The following TSHZ3 variants were observed in gnomAD, a reference collection of about 807,000 sequenced individuals.
TSHZ3 encodes teashirt zinc finger homeobox 3.
In TSHZ3, 10 loss-of-function variants were observed where a neutral mutation model predicts 64.5. That is an observed-to-expected ratio of 0.16 (90% CI 0.10 to 0.26). The LOEUF (loss-of-function observed/expected upper bound fraction) is 0.26. Ranked by LOEUF, TSHZ3 falls within the 10% of genes least tolerant of loss-of-function variation. TSHZ3 has a pLI of 1.00. For synonymous variants in TSHZ3, 608 were observed against 593.1 expected, an observed-to-expected ratio of 1.03 and a Z score of -0.36; for missense variants, 1,242 against 1,421.7, an observed-to-expected ratio of 0.87 and a Z score of 2.03.
At chr19:31,164,968 C>G (rs1285133314) in intron 5 of TSHZ3, among the ~76,000 whole-genome samples, 2 of 152,238 alleles carry the variant, frequency 1.3e-5, no homozygotes, top group African/African-American at 4.8e-5. Flanking sequence ...GAGCGGCAGC[C>G]TCGGGCCTCA....
intron 3 of TSHZ3, among the ~76,000 whole-genome samples, chr19:31,241,315 T>C (rs1432707278): frequency 1.3e-5 from 2 of 152,232 alleles, no homozygotes; most frequent in Non-Finnish European, 2.9e-5. Context: ...ATTTGGACTC[T>C]GTTGGGACAA....
At chr19:31,270,168 G>A (rs1202742344), downstream of TSHZ3, among the ~76,000 whole-genome samples, 2 of 152,182 alleles carry the variant, frequency 1.3e-5, no homozygotes, top group African/African-American at 4.8e-5. Flanking sequence ...TGTGTCCTTG[G>A]CTTTGATCAG....
intron 5 of TSHZ3, among the ~76,000 whole-genome samples, chr19:31,169,402 A>C (rs979528342): frequency 5.3e-5 from 8 of 152,256 alleles, no homozygotes; most frequent in Non-Finnish European, 1.0e-4. Context: ...ATGAATAAAT[A>C]GGCAAAATGC....
chr19:31,169,265 C>A (rs1482058110), intron 5 of TSHZ3, among the ~76,000 whole-genome samples: 1 of 152,186 alleles, frequency 6.6e-6, no homozygotes, highest in Non-Finnish European at 1.5e-5. Context: ...CCATATGACC[C>A]AGCAACTCCG....
At chr19:31,296,977 C>A (rs1722927574) in intron 1 of TSHZ3, among the ~76,000 whole-genome samples, 1 of 152,216 alleles carries the variant, frequency 6.6e-6, no homozygotes, top group African/African-American at 2.4e-5. Flanking sequence ...AAAACAGAGA[C>A]ATAGGCAAAC....
intron 1 of TSHZ3, 47 bp downstream of exon 1, chr19:31,349,133 G>C (rs1225613361): frequency 3.3e-6 from 5 of 1,532,006 alleles, no homozygotes; most frequent in Middle Eastern, 1.8e-4. Context: ...CGGGGCGAGC[G>C]GAGGAAGAGG....
intron 4 of TSHZ3, among the ~76,000 whole-genome samples, chr19:31,219,028 G>A (rs549070458): frequency 1.0e-3 from 157 of 152,302 alleles, no homozygotes; most frequent in African/African-American, 3.7e-3. Context: ...GTACATGTTT[G>A]TACCAGAGCA....
chr19:31,190,541 G>T (rs576316294), intron 5 of TSHZ3, among the ~76,000 whole-genome samples: 1 of 152,108 alleles, frequency 6.6e-6, no homozygotes, highest in African/African-American at 2.4e-5. Context: ...TGATCAAACT[G>T]ATTTCCCAAT....
At chr19:31,301,458 C>A (rs922366794) in intron 1 of TSHZ3, among the ~76,000 whole-genome samples, 1 of 152,176 alleles carries the variant, frequency 6.6e-6, no homozygotes, top group Non-Finnish European at 1.5e-5. Flanking sequence ...CACTCAAACA[C>A]CTCGCCCTGG....
intron 1 of TSHZ3, among the ~76,000 whole-genome samples, chr19:31,330,755 C>T (rs1297538827): frequency 6.6e-6 from 1 of 151,898 alleles, no homozygotes; most frequent in Non-Finnish European, 1.5e-5. Context: ...AAGCAGCCCA[C>T]GCTGAGAAGG....
chr19:31,170,780 G>A (rs562055271), intron 5 of TSHZ3, among the ~76,000 whole-genome samples: 1 of 152,170 alleles, frequency 6.6e-6, no homozygotes, highest in African/African-American at 2.4e-5. Context: ...GTTGTTAAAA[G>A]AAATTTCTTC....
At chr19:31,178,611 G>A (rs1005061115) in intron 5 of TSHZ3, among the ~76,000 whole-genome samples, 8 of 152,290 alleles carry the variant, frequency 5.3e-5, no homozygotes, top group South Asian at 4.1e-4. Context: ...ACCGGGAGGC[G>A]GAGGTTGTAG....
intron 1 of TSHZ3, among the ~76,000 whole-genome samples, chr19:31,332,551 A>G (rs1448236257): frequency 6.6e-6 from 1 of 152,138 alleles, no homozygotes; most frequent in Non-Finnish European, 1.5e-5. Flanking sequence ...TGGGGAACGG[A>G]GATGTGCCAT....
At chr19:31,323,679 T>C (rs139792861) in intron 1 of TSHZ3, among the ~76,000 whole-genome samples, 1 of 152,130 alleles carries the variant, frequency 6.6e-6, no homozygotes, top group East Asian at 1.9e-4. Flanking sequence ...TTAAGAAATG[T>C]CCACATCTAG....
rs150753780 is a variant in TSHZ3 at position 31,266,990 on chromosome 19, C to G, written n.64-24115G>C. 7.6e-3 allele frequency among the ~76,000 whole-genome samples: 1,152 copies of G among 152,334 alleles called. 16 individuals carry two copies. The highest frequency in any genetic ancestry group is 0.027 in the African/African-American group (1,104 of 41,580). Reference sequence around the variant, plus strand: ...CAAGGAAGTGCTCCTGGCCGGCCCACTTCAAGTTTCAGGGTTTGAGCCTTG... The same window carrying G: ...CAAGGAAGTGCTCCTGGCCGGCCCAGTTCAAGTTTCAGGGTTTGAGCCTTG... On this transcript the variant is annotated intron_variant and non_coding_transcript_variant, in intron 1 of 6. Transcript: ENST00000651361.
chr19:31,151,644 G>A (rs999544470), exon 7 of TSHZ3, among the ~76,000 whole-genome samples: 5 of 152,142 alleles, frequency 3.3e-5, no homozygotes, highest in Non-Finnish European at 5.9e-5. Flanking sequence ...ACAAAATCTC[G>A]ATGTGATTGG....
At chr19:31,286,575 A>T (rs532874219) in intron 1 of TSHZ3, among the ~76,000 whole-genome samples, 90 of 152,248 alleles carry the variant, frequency 5.9e-4, no homozygotes, top group Non-Finnish European at 9.6e-4. Flanking sequence ...ACCAGTTCTG[A>T]CCCCAAGCCC....
chr19:31,214,387 G>T (rs957970453), intron 4 of TSHZ3, among the ~76,000 whole-genome samples: 1 of 152,234 alleles, frequency 6.6e-6, no homozygotes, highest in East Asian at 1.9e-4. Flanking sequence ...ATGGTGTGGT[G>T]CAGGAAGTGA....
chr19:31,338,442 T>C (rs563922256), intron 1 of TSHZ3, among the ~76,000 whole-genome samples: 1 of 152,354 alleles, frequency 6.6e-6, no homozygotes, highest in Non-Finnish European at 1.5e-5. Context: ...GATTATTTTT[T>C]ATCTGAAATA....
Sources: gnomAD v4.1 joint callset for allele counts (sites outside exome capture counted in the v4.1 genomes callset) on GRCh38, gnomAD v4.1.1 for gene constraint, MANE v1.5 for transcripts, NCBI Gene and HGNC (gene_info 2026-07-23, HGNC 2026-07-21) for gene names.